ERBB4: variants seen among roughly 807,000 people sequenced by gnomAD.
ERBB4 encodes receptor tyrosine-protein kinase erbB-4.
ERBB4 carries 42 observed loss-of-function variants against 158.0 expected under a neutral mutation model. That is an observed-to-expected ratio of 0.27 (90% CI 0.21 to 0.34). ERBB4 has a LOEUF of 0.34. Among genes scored for constraint, ERBB4 ranks in the 10% least tolerant of loss-of-function variants. The probability of loss-of-function intolerance (pLI) is 1.00; values close to 1 mark genes in which losing one functional copy is unlikely to be tolerated. For missense variants in ERBB4, 1,333 were observed against 1,624.1 expected, an observed-to-expected ratio of 0.82 and a Z score of 3.08; for synonymous variants, 583 against 558.7, an observed-to-expected ratio of 1.04 and a Z score of -0.61.
chr2:211,641,452 A>G (rs1227257785), intron 16 of ERBB4, among the ~76,000 whole-genome samples: 1 of 152,120 alleles, frequency 6.6e-6, no homozygotes, highest in African/African-American at 2.4e-5. Context: ...ACCTGTTCAT[A>G]GTGCTATTTG....
At position 212,050,270 on chromosome 2, in the gene ERBB4, G is replaced by C. The variant is rs145977251; in HGVS notation, c.234+74482C>G. ...TTTCTGGCAAAGTTTAGATTTAGGG[G>C]ATCTATGGAGATTTCTGTATCCATA... On this transcript the variant is annotated intron_variant, in intron 2 of 27. Coordinates refer to ENST00000342788, the MANE Select transcript of ERBB4 (RefSeq NM_005235.3). Among the ~76,000 whole-genome samples, 421 of 152,186 alleles carry C rather than the reference G, an allele frequency of 2.8e-3. 5 individuals are homozygous for C. Among genetic ancestry groups the C allele is most frequent in the African/African-American group, 9.7e-3 (402 of 41,532 alleles).
chr2:212,392,341 G>T (rs1401978332), intron 1 of ERBB4, among the ~76,000 whole-genome samples: 1 of 151,840 alleles, frequency 6.6e-6, no homozygotes, highest in African/African-American at 2.4e-5. Context: ...CAGGAAAATG[G>T]CAAGAGGGAA....
chr2:211,812,096 G>C (rs1217029396), intron 3 of ERBB4, among the ~76,000 whole-genome samples: 1 of 152,296 alleles, frequency 6.6e-6, no homozygotes, highest in African/African-American at 2.4e-5. Context: ...TCCTTTGGAG[G>C]AGAAGACGCG....
chr2:211,909,409 A>G (rs2079482724), intron 3 of ERBB4, among the ~76,000 whole-genome samples: 1 of 151,812 alleles, frequency 6.6e-6, no homozygotes, highest in African/African-American at 2.4e-5. Flanking sequence ...TCGTGTGAAC[A>G]TCGTAAAGTA....
intron 20 of ERBB4, among the ~76,000 whole-genome samples, chr2:211,502,137 A>G (rs1165242117): frequency 6.6e-6 from 1 of 152,160 alleles, no homozygotes; most frequent in East Asian, 1.9e-4. Flanking sequence ...TGGACAGTGT[A>G]GTCACTTTAA....
At chr2:212,533,729 G>A (rs140037409) in intron 1 of ERBB4, among the ~76,000 whole-genome samples, 397 of 152,238 alleles carry the variant, frequency 2.6e-3, no homozygotes, top group African/African-American at 9.1e-3. Flanking sequence ...GATAAAACAT[G>A]TAATTTGGTT....
intron 22 of ERBB4, among the ~76,000 whole-genome samples, chr2:211,426,040 T>C (rs77920606): frequency 1.4e-3 from 210 of 152,230 alleles, no homozygotes; most frequent in Non-Finnish European, 2.5e-3. Flanking sequence ...TTATAAAAGA[T>C]AGAGTAGATA....
chr2:212,492,779 A>G (rs1174975037), intron 1 of ERBB4, among the ~76,000 whole-genome samples: 1 of 151,462 alleles, frequency 6.6e-6, no homozygotes, highest in East Asian at 1.9e-4. Context: ...TGAGTCATCC[A>G]TTTACTAAAA....
intron 3 of ERBB4, among the ~76,000 whole-genome samples, chr2:211,843,512 T>C (rs576943110): frequency 6.6e-6 from 1 of 152,160 alleles, no homozygotes; most frequent in East Asian, 1.9e-4. Flanking sequence ...GATTGGTATT[T>C]TAAAAGTCCT....
chr2:211,805,451 G>C (rs1023108116), intron 3 of ERBB4, among the ~76,000 whole-genome samples: 2 of 152,172 alleles, frequency 1.3e-5, no homozygotes, highest in Non-Finnish European at 2.9e-5. Flanking sequence ...ACAAGAGTAT[G>C]AGCATAGAAA....
intron 3 of ERBB4, among the ~76,000 whole-genome samples, chr2:211,944,177 C>CTATATATATATATATAGTGTATATATATA (rs1553517867): frequency 2.6e-5 from 1 of 38,584 alleles, no homozygotes; most frequent in African/African-American, 1.2e-4. Context: ...TATATATATA[C>CTATATATATATATATAGTGTATATATATA]TATATATATA....
intron 1 of ERBB4, among the ~76,000 whole-genome samples, chr2:212,534,223 C>T (rs993146424): frequency 6.6e-6 from 1 of 152,180 alleles, no homozygotes; most frequent in African/African-American, 2.4e-5. Context: ...CATCCTAATT[C>T]AATTTATTGT....
At chr2:211,894,296 T>C (rs2079044887) in intron 3 of ERBB4, among the ~76,000 whole-genome samples, 1 of 147,216 alleles carries the variant, frequency 6.8e-6, no homozygotes, top group Non-Finnish European at 1.5e-5. Context: ...TCATTCTCAG[T>C]AAACTATCAC....
intron 5 of ERBB4, among the ~76,000 whole-genome samples, chr2:211,750,410 C>T (rs1427534421): frequency 1.3e-5 from 2 of 152,120 alleles, no homozygotes; most frequent in Non-Finnish European, 2.9e-5. Flanking sequence ...CATAGCTGTG[C>T]TGTTGAGATC....
chr2:212,296,069 T>C (rs972121966), intron 1 of ERBB4, among the ~76,000 whole-genome samples: 2 of 151,990 alleles, frequency 1.3e-5, no homozygotes, highest in African/African-American at 4.8e-5. Flanking sequence ...ACTTCTTGGA[T>C]AATCACTTGA....
intron 1 of ERBB4, among the ~76,000 whole-genome samples, chr2:212,413,950 T>C (rs997726395): frequency 1.3e-5 from 2 of 152,194 alleles, no homozygotes; most frequent in African/African-American, 4.8e-5. Context: ...AATCTTCAGA[T>C]TCTCAGTTTT....
intron 1 of ERBB4, among the ~76,000 whole-genome samples, chr2:212,171,590 C>A (rs1013974781): frequency 6.6e-6 from 1 of 152,200 alleles, no homozygotes; most frequent in Non-Finnish European, 1.5e-5. Flanking sequence ...AAGGAGGGAC[C>A]AGGTTGAAGG....
chr2:211,982,654 G>C (rs989382907), intron 2 of ERBB4, among the ~76,000 whole-genome samples: 1 of 152,190 alleles, frequency 6.6e-6, no homozygotes, highest in African/African-American at 2.4e-5. Context: ...GTTGTTCCTA[G>C]AGGAGCCTTC....
intron 1 of ERBB4, among the ~76,000 whole-genome samples, chr2:212,510,659 C>A (rs1691467951): frequency 6.6e-6 from 1 of 151,990 alleles, no homozygotes; most frequent in Non-Finnish European, 1.5e-5. Flanking sequence ...GATAGAATAA[C>A]AGGGCACTTC....
Sources: gnomAD v4.1 joint callset for allele counts (sites outside exome capture counted in the v4.1 genomes callset) on GRCh38, gnomAD v4.1.1 for gene constraint, MANE v1.5 for transcripts, NCBI Gene and HGNC (gene_info 2026-07-23, HGNC 2026-07-21) for gene names.